NSG2: variants seen among roughly 807,000 people sequenced by gnomAD.
The protein encoded by NSG2 is neuronal vesicle trafficking associated 2.
NSG2 carries 4 observed loss-of-function variants against 16.9 expected under a neutral mutation model. The ratio of observed to expected loss-of-function variants is 0.24; its 90% confidence interval spans 0.12 to 0.54. The LOEUF is 0.54. Among genes scored for constraint, NSG2 ranks in the 20% least tolerant of loss-of-function variants. The pLI is 0.95. For synonymous variants in NSG2, 98 were observed against 88.7 expected, an observed-to-expected ratio of 1.11 and a Z score of -0.59; for missense variants, 179 against 221.1, an observed-to-expected ratio of 0.81 and a Z score of 1.21.
At chr5:174,058,117 G>A (rs1759993483) in intron 2 of NSG2, among the ~76,000 whole-genome samples, 1 of 152,192 alleles carries the variant, frequency 6.6e-6, no homozygotes, top group Admixed American at 6.5e-5. Context: ...GGATAATGCT[G>A]CTGTTATCTT....
chr5:174,102,593 C>T (rs1409298510), intron 3 of NSG2, among the ~76,000 whole-genome samples: 1 of 121,032 alleles, frequency 8.3e-6, no homozygotes, highest in Non-Finnish European at 1.7e-5. Flanking sequence ...CTGAAGTTAA[C>T]CAATTACTGG....
At chr5:174,096,516 C>T (rs964006228) in intron 3 of NSG2, among the ~76,000 whole-genome samples, 2 of 152,140 alleles carry the variant, frequency 1.3e-5, no homozygotes, top group Admixed American at 6.5e-5. Context: ...CCAAAAATGC[C>T]TTGTCTGCTC....
chr5:174,077,539 T>C (rs1391868503), intron 3 of NSG2, among the ~76,000 whole-genome samples: 2 of 152,216 alleles, frequency 1.3e-5, no homozygotes, highest in African/African-American at 4.8e-5. Flanking sequence ...GCTTAGCTGT[T>C]CTTTCTACTC....
chr5:174,086,591 C>G (rs1314579944), intron 3 of NSG2: 1 of 152,222 alleles, frequency 6.6e-6, no homozygotes, highest in African/African-American at 2.4e-5. Flanking sequence ...GTCACCAGGC[C>G]AGGTTGGCTC....
At chr5:174,096,431 T>C (rs1410559361) in intron 3 of NSG2, among the ~76,000 whole-genome samples, 6 of 151,330 alleles carry the variant, frequency 4.0e-5, no homozygotes, top group Admixed American at 3.9e-4. Context: ...TGCAAGATCA[T>C]GGGGGTGGGG....
At position 174,057,858 on chromosome 5, in the gene NSG2, C is replaced by T. The variant is rs183999351; in HGVS notation, c.130-6374C>T. On this transcript the variant is annotated intron_variant, in intron 2 of 4. Coordinates refer to ENST00000303177, the MANE Select transcript of NSG2 (RefSeq NM_015980.5). ...TGAAGGTTTGCTGGTATTGTCTCTC[C>T]CTCGATCTAGAGGGATCTTTCCCCT... Among the ~76,000 whole-genome samples, 93 of 152,234 alleles carry T rather than the reference C, an allele frequency of 6.1e-4. 1 individual carries two copies. In the East Asian group the frequency reaches 0.017, roughly 28 times the overall value.
intron 3 of NSG2, among the ~76,000 whole-genome samples, chr5:174,070,100 C>T (rs1479968495): frequency 6.6e-6 from 1 of 151,890 alleles, no homozygotes; most frequent in Non-Finnish European, 1.5e-5. Context: ...GTTGCTCAGG[C>T]TGGTTTGAAC....
intron 2 of NSG2, among the ~76,000 whole-genome samples, chr5:174,057,424 A>AT (rs1161262493): frequency 3.3e-5 from 5 of 152,220 alleles, no homozygotes; most frequent in Non-Finnish European, 7.3e-5. Flanking sequence ...ACTAAAAAAA[A>AT]GGAACTGTGA....
chr5:174,055,131 G>A (rs1300423630), intron 2 of NSG2, among the ~76,000 whole-genome samples: 6 of 152,172 alleles, frequency 3.9e-5, no homozygotes, highest in Non-Finnish European at 5.9e-5. Flanking sequence ...CAGTGACATG[G>A]TCTGGGCCTC....
At chr5:174,084,026 T>C (rs576308497) in intron 3 of NSG2, 5 of 152,352 alleles carry the variant, frequency 3.3e-5, no homozygotes, top group African/African-American at 1.2e-4. Flanking sequence ...TTCCTATCAT[T>C]GGTCAGGTTT....
intron 3 of NSG2, among the ~76,000 whole-genome samples, chr5:174,090,882 G>T (rs1760710427): frequency 6.6e-6 from 1 of 152,164 alleles, no homozygotes; most frequent in South Asian, 2.1e-4. Context: ...ATCCTTGCAA[G>T]AATTACAGGG....
chr5:174,097,607 CTG>C (rs965023729), intron 3 of NSG2, among the ~76,000 whole-genome samples: 5 of 128,406 alleles, frequency 3.9e-5, no homozygotes, highest in Admixed American at 7.7e-5. Context: ...GTGTGTGTGT[CTG>C]TGTTTCTCTC....
intron 3 of NSG2, among the ~76,000 whole-genome samples, chr5:174,089,587 C>T (rs1437531495): frequency 6.6e-6 from 1 of 152,058 alleles, no homozygotes; most frequent in Non-Finnish European, 1.5e-5. Context: ...CATCCTGACC[C>T]ACGAGGAAAG....
At chr5:174,092,656 G>A (rs1426937142) in intron 3 of NSG2, among the ~76,000 whole-genome samples, 10 of 152,208 alleles carry the variant, frequency 6.6e-5, no homozygotes, top group Admixed American at 6.5e-4. Context: ...TGTCACTTTA[G>A]CATTTACATG....
At chr5:174,096,287 G>A (rs949930932) in intron 3 of NSG2, among the ~76,000 whole-genome samples, 3 of 152,196 alleles carry the variant, frequency 2.0e-5, no homozygotes, top group South Asian at 2.1e-4. Flanking sequence ...ATCAGACAGC[G>A]TAGCGGCTCA....
chr5:174,083,405 T>A (rs1561670088), intron 3 of NSG2, among the ~76,000 whole-genome samples: 1 of 152,216 alleles, frequency 6.6e-6, no homozygotes, highest in East Asian at 1.9e-4. Context: ...GCCAGGAAAA[T>A]CAATTGTGTT....
chr5:174,065,113 G>C (rs938045671), intron 3 of NSG2, among the ~76,000 whole-genome samples: 2 of 152,098 alleles, frequency 1.3e-5, no homozygotes, highest in African/African-American at 4.8e-5. Flanking sequence ...TGGATCACGA[G>C]GTCAGGAGAT....
chr5:174,083,347 G>A (rs1489815263), intron 3 of NSG2, among the ~76,000 whole-genome samples: 1 of 152,184 alleles, frequency 6.6e-6, no homozygotes, highest in East Asian at 1.9e-4. Context: ...CTCCATTTTA[G>A]TTCTCTGGGG....
intron 3 of NSG2, among the ~76,000 whole-genome samples, chr5:174,070,542 A>G (rs535021613): frequency 3.2e-4 from 49 of 151,864 alleles, no homozygotes; most frequent in African/African-American, 1.2e-3. Flanking sequence ...CTTTGTCGTT[A>G]TTAATATTGG....
Sources: allele counts gnomAD v4.1 joint callset (sites outside exome capture counted in the v4.1 genomes callset), GRCh38; gene constraint gnomAD v4.1.1; transcripts MANE v1.5; gene names NCBI Gene and HGNC (gene_info 2026-07-23, HGNC 2026-07-21).